Variants in ARL6IP1 observed in about 807,000 individuals in gnomAD.
ARL6IP1 encodes the protein ADP-ribosylation factor-like protein 6-interacting protein 1.
In ARL6IP1, 16 loss-of-function variants were observed where a neutral mutation model predicts 30.1. The ratio of observed to expected loss-of-function variants is 0.53; its 90% CI spans 0.36 to 0.81. The LOEUF (loss-of-function observed/expected upper bound fraction) is 0.81, where lower values mean the gene tolerates loss of function less well. ARL6IP1 is among the 30% of genes least tolerant of loss of function. The probability of loss-of-function intolerance (pLI) is 0.01; values close to 1 mark genes in which losing one functional copy is unlikely to be tolerated. For missense variants in ARL6IP1, 173 were observed against 242.7 expected (o/e 0.71, Z 1.91); for synonymous variants, 72 against 84.8 (o/e 0.85, Z 0.83).
chr16:18,796,225 T>C (rs1430592015), intron 3 of ARL6IP1, among the ~76,000 whole-genome samples: 3 of 152,242 alleles, frequency 2.0e-5, no homozygotes, highest in Non-Finnish European at 4.4e-5. Context: ...TTCTTGGTTC[T>C]GATTTTTTTA....
chr16:18,793,646 G>C (rs531334107), intron 5 of ARL6IP1, among the ~76,000 whole-genome samples: 3 of 152,142 alleles, frequency 2.0e-5, no homozygotes, highest in Non-Finnish European at 2.9e-5. Context: ...AGTCAGGCTG[G>C]TCTCGAACTC....
chr16:18,800,280 A>C (rs914410841), intron 1 of ARL6IP1, among the ~76,000 whole-genome samples: 3 of 152,246 alleles, frequency 2.0e-5, no homozygotes, highest in African/African-American at 7.2e-5. Context: ...CATTTTACCA[A>C]GGAGGAAACA....
At position 18,793,360 on chromosome 16, in the gene ARL6IP1, T is replaced by C; in HGVS notation, c.504A>G (p.Leu168=). 1 of 1,595,282 alleles carries C rather than the reference T, an allele frequency of 6.3e-7. No homozygotes were observed. The highest frequency in any genetic ancestry group is 8.5e-7 in the Non-Finnish European group (1 of 1,170,104). Residue 168 remains leucine (L), a synonymous_variant, in exon 6 of 6, where the codon TTA becomes TTG. Coordinates refer to ENST00000304414, the MANE Select transcript of ARL6IP1 (RefSeq NM_015161.3). The part of the protein sequence containing the change: ...LLLTYLIVTS[L]LLLPGLNQHG... The stretch of plus-strand genomic sequence containing the variant: ...GTTGGTTTAGTCCAGGAAGCAATAG[T>C]AAGGAAGTCACTTAAAATAAAAAAA...
At chr16:18,793,395 T>C (rs756235116) in intron 5 of ARL6IP1, 25 bp from the exon 6 acceptor site, 5 of 1,360,616 alleles carry the variant, frequency 3.7e-6, no homozygotes, top group Middle Eastern at 4.5e-4. Flanking sequence ...AAACCCAACA[T>C]TAAGGAGGCA....
Position 18,794,483 on chromosome 16 carries a change from T to A in ARL6IP1, c.493+116A>T, listed in dbSNP as rs541039067. ...TGAGACCATAATAATCTTTCCATATTCCCACAGTTCCTTTTCGGTGTCTAA... is the reference window on the plus strand; with the variant it reads ...TGAGACCATAATAATCTTTCCATATACCCACAGTTCCTTTTCGGTGTCTAA... On this transcript the variant is annotated intron_variant, in intron 5 of 5. Transcript: ENST00000304414. 1.5e-3 allele frequency: 1,014 copies of A among 657,794 alleles called. 3 individuals carry two copies. Among genetic ancestry groups the A allele is most frequent in the Non-Finnish European group, 1.9e-3 (703 of 373,184 alleles). 40.7% of individuals were successfully genotyped at this position (657,794 alleles called of 1,614,324 possible).
Position 18,798,747 on chromosome 16 carries a change from C to T in ARL6IP1, c.124G>A (p.Ala42Thr). 1.2e-6 allele frequency: 2 copies of T among 1,614,212 alleles called. No homozygotes were observed. Among genetic ancestry groups the T allele is most frequent in the African/African-American group, 1.3e-5 (1 of 75,062 alleles). ...CCCATGATGGCAGGTGGAAACCAGGCTCTTTCCCATCGGAGGACTTTATCA... is the reference window on the plus strand; with the variant it reads ...CCCATGATGGCAGGTGGAAACCAGGTTCTTTCCCATCGGAGGACTTTATCA... ...MADKVLRWER[A>T]WFPPAIMGVV... Residue 42 changes from alanine (A) to threonine (T), a missense_variant, in exon 2 of 6, where the codon GCC becomes ACC. Physicochemically the swap from Ala to Thr is moderately conservative, Grantham distance 58. Transcript: ENST00000304414.
At chr16:18,798,217 T>G in intron 2 of ARL6IP1, 173 bp from the exon 3 acceptor site, 7 of 561,844 alleles carry the variant, frequency 1.2e-5, no homozygotes, top group Non-Finnish European at 1.5e-5. Context: ...GCTGATATCA[T>G]AGCTGCAGTG....
Position 18,793,120 on chromosome 16 carries a change from T to C in ARL6IP1, c.*132A>G. The stretch of plus-strand genomic sequence containing the variant: ...AAGCCTTACTTGGCGAGTCTGAATT[T>C]CTATTAACTAAGGGCAGAGTGAGGG... On this transcript the variant is annotated 3_prime_UTR_variant, in exon 6 of 6. Coordinates refer to ENST00000304414, the MANE Select transcript of ARL6IP1 (RefSeq NM_015161.3). The C allele has an allele frequency of 4.9e-6, 3 of 613,714 alleles. No homozygotes were observed. The highest frequency in any genetic ancestry group is 8.5e-6 in the Non-Finnish European group (3 of 353,688). 38.0% of individuals were successfully genotyped at this position (613,714 alleles called of 1,614,324 possible).
At position 18,793,737 on chromosome 16, in the gene ARL6IP1, C is replaced by A. The variant is rs2030142968; in HGVS notation, c.494-367G>T. On this transcript the variant is annotated intron_variant, in intron 5 of 5. Coordinates refer to ENST00000304414, the MANE Select transcript of ARL6IP1 (RefSeq NM_015161.3). ...TGAGCCACCACACCCAGCGACAAGTCTCACTCTTTTTGCCCAGGCTGGAGT... is the reference window on the plus strand; with the variant it reads ...TGAGCCACCACACCCAGCGACAAGTATCACTCTTTTTGCCCAGGCTGGAGT... Among the ~76,000 whole-genome samples the A allele has an allele frequency of 2.9e-5, 4 of 139,666 alleles. No individual in the cohort carries two copies. The South Asian group carries it at 9.2e-4, about 32-fold the overall frequency. The allele number at this position is 139,666 out of a possible 152,430, so 91.6% of individuals were successfully genotyped here.
chr16:18,795,292 A>C, intron 4 of ARL6IP1, 172 bp downstream of exon 4: 1 of 478,644 alleles, frequency 2.1e-6, no homozygotes, highest in Non-Finnish European at 3.7e-6. Context: ...AAATGCAAAA[A>C]TGTAATTTTT....
At chr16:18,800,263 C>G (rs2030367689) in intron 1 of ARL6IP1, among the ~76,000 whole-genome samples, 1 of 152,186 alleles carries the variant, frequency 6.6e-6, no homozygotes, top group Non-Finnish European at 1.5e-5. Flanking sequence ...GGTGTTATTA[C>G]TGTCCCCATT....
In ARL6IP1 at chr16:18,795,699, C is replaced by G. The variant is rs1219991986; in HGVS notation, c.291-118G>C. On this transcript the variant is annotated intron_variant, in intron 3 of 5. Transcript: ENST00000304414. Reference sequence around the variant, plus strand: ...AAATAAAAATAAAAACAATGTTTCACCATTATCTTATGTAGGTGAAAAAAT... The same window carrying G: ...AAATAAAAATAAAAACAATGTTTCAGCATTATCTTATGTAGGTGAAAAAAT... The G allele has an allele frequency of 5.8e-6, 4 of 690,520 alleles. No homozygotes were observed. The African/African-American group carries it at 7.2e-5, about 12-fold the overall frequency. The allele number at this position is 690,520 out of a possible 1,614,324, so 42.8% of individuals were successfully genotyped here.
intron 4 of ARL6IP1, 99 bp downstream of exon 4, chr16:18,795,365 A>G: frequency 1.4e-6 from 1 of 734,218 alleles, no homozygotes; most frequent in Non-Finnish European, 2.3e-6. Context: ...TTAGGAATTA[A>G]CCAATGAATA....
At chr16:18,798,134 A>G in intron 2 of ARL6IP1, 90 bp from the exon 3 acceptor site, 2 of 1,237,890 alleles carry the variant, frequency 1.6e-6, no homozygotes, top group Admixed American at 2.9e-5. Flanking sequence ...TTAACTATTC[A>G]CCGCCTCTCA....
intron 3 of ARL6IP1, chr16:18,797,571 C>T (rs996065238): frequency 3.4e-4 from 62 of 182,456 alleles, no homozygotes; most frequent in African/African-American, 1.4e-3. Context: ...CTTTACAGGG[C>T]CTGCCACAGT....
chr16:18,795,624 G>A (rs1399392107), intron 3 of ARL6IP1, 43 bp from the exon 4 acceptor site: 2 of 1,373,060 alleles, frequency 1.5e-6, no homozygotes, highest in African/African-American at 2.9e-5. Context: ...AATCGTTACA[G>A]TAGACAAAAA....
rs748293410 is a variant in ARL6IP1 at position 18,793,324 on chromosome 16, A to G, written c.540T>C (p.Ile180=). The change falls in exon 6 of 6, where the codon ATT becomes ATC. Residue 180 remains isoleucine (I), a synonymous_variant. Transcript: ENST00000304414. ...TCTTGGCCATTCCAATGTACTTCAA[A>G]ATGATTCCATGTTGGTTTAGTCCAG... ...LLPGLNQHGI[I]LKYIGMAKRE... The G allele has an allele frequency of 2.5e-6, 4 of 1,613,452 alleles. No individual in the cohort carries two copies. Among genetic ancestry groups the G allele is most frequent in the South Asian group, 1.1e-5 (1 of 90,934 alleles).
Position 18,795,544 on chromosome 16 carries a change from T to C in ARL6IP1, c.328A>G (p.Ser110Gly), listed in dbSNP as rs757018142. The C allele has an allele frequency of 1.2e-6, 2 of 1,613,716 alleles. No individual in the cohort carries two copies. Among genetic ancestry groups the C allele is most frequent in the Admixed American group, 1.7e-5 (1 of 60,026 alleles). Residue 110 changes from serine to glycine, a missense_variant, in exon 4 of 6, where the codon AGC (serine) becomes GGC (glycine). Transcript: ENST00000304414. The stretch of plus-strand genomic sequence containing the variant: ...CTGCGTCGAGTTTTTACTAGATTGC[T>C]GCAAATTTCATGGAATCTTTGCTGT... Reference protein sequence around the residue: ...EQQQRFHEICSNLVKTRRRAV... With the variant: ...EQQQRFHEICGNLVKTRRRAV...
In ARL6IP1 at chr16:18,793,123, A is replaced by G. The variant is rs1243650355; in HGVS notation, c.*129T>C. The G allele has an allele frequency of 3.2e-6, 2 of 622,098 alleles. No homozygotes were observed. Among genetic ancestry groups the G allele is most frequent in the East Asian group, 2.8e-5 (1 of 35,548 alleles). The allele number at this position is 622,098 out of a possible 1,614,324, so 38.5% of individuals were successfully genotyped here. On this transcript the variant is annotated 3_prime_UTR_variant, in exon 6 of 6. Transcript: ENST00000304414. Reference sequence around the variant, plus strand: ...CCTTACTTGGCGAGTCTGAATTTCTATTAACTAAGGGCAGAGTGAGGGAGA... The same window carrying G: ...CCTTACTTGGCGAGTCTGAATTTCTGTTAACTAAGGGCAGAGTGAGGGAGA...
Sources: allele counts gnomAD v4.1 joint callset (sites outside exome capture counted in the v4.1 genomes callset), GRCh38; gene constraint gnomAD v4.1.1; transcripts MANE v1.5; gene names NCBI Gene and HGNC (gene_info 2026-07-23, HGNC 2026-07-21).